Variants in TCEA1 observed in about 807,000 individuals in gnomAD.
The protein encoded by TCEA1 is transcription elongation factor A1.
Under a neutral mutation model 43.8 loss-of-function variants are expected in TCEA1, and 21 were observed. The ratio of observed to expected loss-of-function variants is 0.48; its 90% CI spans 0.34 to 0.69. The LOEUF is 0.69. Among genes scored for constraint, TCEA1 ranks in the 30% least tolerant of loss-of-function variants. The probability of loss-of-function intolerance (pLI) is 0.01; values close to 1 mark genes in which losing one functional copy is unlikely to be tolerated. For missense variants in TCEA1, 250 were observed against 365.1 expected, an observed-to-expected ratio of 0.68 and a Z score of 2.57; for synonymous variants, 104 against 117.5, an observed-to-expected ratio of 0.88 and a Z score of 0.75.
At chr8:53,994,654 G>T (rs915161970) in intron 3 of TCEA1, among the ~76,000 whole-genome samples, 1 of 151,940 alleles carries the variant, frequency 6.6e-6, no homozygotes, top group Admixed American at 6.6e-5. Context: ...AGATCACGAG[G>T]TCAGGAGATC....
intron 1 of TCEA1, 168 bp downstream of exon 1, chr8:54,021,895 C>T (rs1476593390): frequency 2.0e-6 from 1 of 506,598 alleles, no homozygotes; most frequent in South Asian, 5.3e-5. Context: ...GCCGCGGGAC[C>T]CGACGCCCCG....
intron 4 of TCEA1, among the ~76,000 whole-genome samples, chr8:53,988,834 A>G (rs1305297036): frequency 1.3e-5 from 2 of 152,240 alleles, no homozygotes; most frequent in Admixed American, 6.5e-5. Flanking sequence ...TGGGAGGCCA[A>G]GAGAGGCAGA....
At chr8:54,021,989 A>C (rs964697545) in intron 1 of TCEA1, 74 bp downstream of exon 1, 25 of 1,291,144 alleles carry the variant, frequency 1.9e-5, no homozygotes, top group Non-Finnish European at 2.4e-5. Flanking sequence ...AGGGAGAAGG[A>C]GGGAGGGGGC....
In TCEA1 at chr8:54,010,815, C is replaced by CT. The variant is rs574178749; in HGVS notation, c.64-324dup. Among the ~76,000 whole-genome samples, 580 of 146,362 alleles carry CT rather than the reference C, an allele frequency of 4.0e-3. 1 individual carries two copies. Among genetic ancestry groups the CT allele is most frequent in the Admixed American group, 7.4e-3 (108 of 14,562 alleles). ...GCTATGATACAGTGTTTTATTATAA[C>CT]TTTTTTTTTTTTTAAGACAGAGTCT... On this transcript the variant is annotated intron_variant, in intron 1 of 9. Transcript: ENST00000521604.
At chr8:53,973,832 G>C in intron 8 of TCEA1, 1 of 384,100 alleles carries the variant, frequency 2.6e-6, no homozygotes, top group Non-Finnish European at 5.0e-6. Flanking sequence ...CCCTTGAGGA[G>C]AAAGCCTGGC....
At chr8:53,978,826 C>T (rs1044499784) in intron 8 of TCEA1, 199 bp downstream of exon 8, 2 of 506,436 alleles carry the variant, frequency 3.9e-6, no homozygotes, top group Middle Eastern at 5.2e-4. Flanking sequence ...CTTATCAGTA[C>T]ATATGTATCG....
chr8:53,979,831 C>T (rs1803450321), intron 7 of TCEA1, among the ~76,000 whole-genome samples: 1 of 152,044 alleles, frequency 6.6e-6, no homozygotes, highest in South Asian at 2.1e-4. Context: ...CAGACTGACC[C>T]CTCCAGAACT....
chr8:54,021,262 T>C (rs1463881104), intron 1 of TCEA1, among the ~76,000 whole-genome samples: 1 of 152,194 alleles, frequency 6.6e-6, no homozygotes, highest in South Asian at 2.1e-4. Flanking sequence ...ATGGGCAAGC[T>C]GTAGAAACTG....
At chr8:53,984,563 C>G in intron 6 of TCEA1, 46 bp from the exon 7 acceptor site, 1 of 1,477,758 alleles carries the variant, frequency 6.8e-7, no homozygotes, top group Non-Finnish European at 9.0e-7. Context: ...AAAGTAAGAT[C>G]ACTTTTTTTT....
At chr8:54,013,516 TA>T (rs1804720562) in intron 1 of TCEA1, among the ~76,000 whole-genome samples, 1 of 151,476 alleles carries the variant, frequency 6.6e-6, no homozygotes, top group South Asian at 2.1e-4. Context: ...CCATCTCTAC[TA>T]AAAATACAAA....
intron 3 of TCEA1, among the ~76,000 whole-genome samples, chr8:53,998,294 T>C (rs567828283): frequency 1.3e-5 from 2 of 152,316 alleles, no homozygotes; most frequent in South Asian, 2.1e-4. Flanking sequence ...TTATGTGATA[T>C]TGCCATAGGA....
At chr8:54,000,273 T>C (rs6473899) in intron 2 of TCEA1, among the ~76,000 whole-genome samples, 25,358 of 152,102 alleles carry the variant, frequency 0.17, 5,971 homozygotes, top group African/African-American at 0.53. Context: ...AAGCATAAAA[T>C]TCACTACTGT....
At chr8:53,975,772 T>A (rs1803313386) in intron 8 of TCEA1, among the ~76,000 whole-genome samples, 1 of 152,104 alleles carries the variant, frequency 6.6e-6, no homozygotes, top group Non-Finnish European at 1.5e-5. Flanking sequence ...GGGTAAAGAG[T>A]TTCACTTTTG....
chr8:53,993,701 G>A lies in TCEA1; in HGVS notation c.287C>T (p.Thr96Ile). ...LDEKKKEPAI[T>I]SQNSPEAREE... Reference sequence around the variant, plus strand: ...TCTTGCCTCAGGGCTGTTCTGCGATGTAATTGCAGGTTCTTTCTTCTTTTC... The same window carrying A: ...TCTTGCCTCAGGGCTGTTCTGCGATATAATTGCAGGTTCTTTCTTCTTTTC... Residue 96 changes from threonine (T) to isoleucine (I), a missense_variant, in exon 4 of 10, where the codon ACA (threonine) becomes ATA (isoleucine). This residue lies in a region of TCEA1 where 147 missense variants were observed against 160.3 expected (regional missense o/e 0.92). Transcript: ENST00000521604. The A allele has an allele frequency of 1.9e-6, 3 of 1,613,708 alleles. No homozygotes were observed. Among genetic ancestry groups the A allele is most frequent in the Non-Finnish European group, 2.5e-6 (3 of 1,179,734 alleles).
At chr8:53,988,077 G>A in intron 5 of TCEA1, 37 bp downstream of exon 5, 6 of 1,597,358 alleles carry the variant, frequency 3.8e-6, no homozygotes, top group Non-Finnish European at 5.1e-6. Flanking sequence ...TGTGGGTGGT[G>A]ACCAAAGGAC....
intron 2 of TCEA1, chr8:54,010,016 C>T (rs999971550): frequency 1.4e-4 from 25 of 185,066 alleles, no homozygotes; most frequent in African/African-American, 5.8e-4. Context: ...CAACTGTGTA[C>T]ATGCTTGACT....
intron 2 of TCEA1, chr8:54,002,961 A>T (rs1257881780): frequency 2.2e-6 from 1 of 456,194 alleles, no homozygotes; most frequent in Non-Finnish European, 4.4e-6. Context: ...AGCAGAAAGG[A>T]ATGAGTACTG....
intron 1 of TCEA1, 28 bp downstream of exon 1, chr8:54,022,011 GCCGGACCGCGGCCCGGCCTCCCTC>G: frequency 6.5e-7 from 1 of 1,537,542 alleles, no homozygotes; most frequent in Non-Finnish European, 8.7e-7. Context: ...GCCCCCTCGG[GCCGGACCGCGGCCCGGCCTCCCTC>G]CCGGCCCGCG....
intron 6 of TCEA1, 52 bp from the exon 7 acceptor site, chr8:53,984,569 T>A (rs547337246): frequency 6.9e-7 from 1 of 1,454,578 alleles, no homozygotes; most frequent in Non-Finnish European, 9.1e-7. Flanking sequence ...AGATCACTTT[T>A]TTTTCCTGTT....
Sources: gnomAD v4.1 joint callset for allele counts (sites outside exome capture counted in the v4.1 genomes callset) on GRCh38, gnomAD v4.1.1 for gene constraint, gnomAD v4.1.1 regional missense constraint, MANE v1.5 for transcripts, NCBI Gene and HGNC (gene_info 2026-07-23, HGNC 2026-07-21) for gene names.